The following UNC5B variants were observed in gnomAD, a reference collection of about 807,000 sequenced individuals.
The protein encoded by UNC5B is unc-5 netrin receptor B, also known as netrin receptor UNC5B.
UNC5B carries 56 observed loss-of-function variants against 103.7 expected under a neutral mutation model. The observed-to-expected ratio is 0.54, with a 90% CI of 0.44 to 0.67. UNC5B has a LOEUF of 0.67. UNC5B is among the 30% of genes least tolerant of loss of function. The pLI, the probability that UNC5B is intolerant of heterozygous loss-of-function variation, is 0.00. For missense variants in UNC5B, 1,194 were observed against 1,284.5 expected, an observed-to-expected ratio of 0.93 and a Z score of 1.08; for synonymous variants, 577 against 542.0, an observed-to-expected ratio of 1.06 and a Z score of -0.90.
At chr10:71,246,999 C>T (rs941338111) in intron 1 of UNC5B, among the ~76,000 whole-genome samples, 11 of 152,322 alleles carry the variant, frequency 7.2e-5, no homozygotes, top group East Asian at 1.9e-4. Flanking sequence ...TGTCTGATCA[C>T]GCCCCTGCTA....
chr10:71,244,780 G>T (rs34360037), intron 1 of UNC5B, among the ~76,000 whole-genome samples: 9,584 of 152,302 alleles, frequency 0.063, 337 homozygotes, highest in East Asian at 0.14. Flanking sequence ...CACCCTGTGT[G>T]CATGCATGCA....
chr10:71,246,962 A>C (rs752278802), intron 1 of UNC5B, among the ~76,000 whole-genome samples: 52 of 152,072 alleles, frequency 3.4e-4, no homozygotes, highest in Non-Finnish European at 6.8e-4. Flanking sequence ...GTGTGACCAG[A>C]GCCCCACCCT....
At chr10:71,296,878 ACCAC>A (rs1845445227) in intron 15 of UNC5B, 136 bp downstream of exon 15, 1 of 547,042 alleles carries the variant, frequency 1.8e-6, no homozygotes, top group African/African-American at 2.2e-5. Context: ...CCAGCTGCAC[ACCAC>A]GCTGGCGGAG....
intron 1 of UNC5B, among the ~76,000 whole-genome samples, chr10:71,218,579 G>A (rs1405146460): frequency 6.6e-6 from 1 of 152,238 alleles, no homozygotes; most frequent in Non-Finnish European, 1.5e-5. Flanking sequence ...AGGCCTGCCT[G>A]CAGGTGGGTC....
intron 2 of UNC5B, among the ~76,000 whole-genome samples, chr10:71,282,196 C>T (rs1844947209): frequency 6.6e-6 from 1 of 152,232 alleles, no homozygotes; most frequent in Non-Finnish European, 1.5e-5. Context: ...CCTGATTCCA[C>T]TTCAGCCTCC....
intron 9 of UNC5B, 62 bp downstream of exon 9, chr10:71,291,171 G>T: frequency 6.4e-7 from 1 of 1,554,618 alleles, no homozygotes; most frequent in Non-Finnish European, 8.8e-7. Context: ...GGCTCTGGTG[G>T]TACCCAGACC....
chr10:71,239,679 G>C, intron 1 of UNC5B, among the ~76,000 whole-genome samples: 1 of 152,186 alleles, frequency 6.6e-6, no homozygotes, highest in East Asian at 1.9e-4. Flanking sequence ...CAAGAGCAGG[G>C]CATCCACGGG....
chr10:71,266,729 C>T (rs1423159076), intron 1 of UNC5B, among the ~76,000 whole-genome samples: 1 of 152,200 alleles, frequency 6.6e-6, no homozygotes, highest in Non-Finnish European at 1.5e-5. Context: ...CTGTTTTTTC[C>T]TGAGAATGGA....
intron 1 of UNC5B, among the ~76,000 whole-genome samples, chr10:71,225,858 G>C (rs1452074251): frequency 6.6e-6 from 1 of 152,024 alleles, no homozygotes; most frequent in Non-Finnish European, 1.5e-5. Context: ...CAGACTTGAG[G>C]ACACCCTGCA....
chr10:71,244,637 G>T (rs1203254297), intron 1 of UNC5B, among the ~76,000 whole-genome samples: 1 of 152,216 alleles, frequency 6.6e-6, no homozygotes, highest in Non-Finnish European at 1.5e-5. Context: ...ACGTAGAGAG[G>T]CAAGTCATAA....
chr10:71,227,621 C>CACATACATAT (rs1564706933), intron 1 of UNC5B, among the ~76,000 whole-genome samples: 5 of 136,940 alleles, frequency 3.7e-5, no homozygotes, highest in African/African-American at 1.5e-4. Context: ...CATATATATA[C>CACATACATAT]ATATATACAT....
intron 14 of UNC5B, 64 bp from the exon 15 acceptor site, chr10:71,296,514 C>A: frequency 6.4e-7 from 1 of 1,574,526 alleles, no homozygotes; most frequent in South Asian, 1.1e-5. Flanking sequence ...CCCTGAGCCT[C>A]CATTTCTATG....
chr10:71,283,363 C>G (rs1256844676), intron 2 of UNC5B, among the ~76,000 whole-genome samples: 1 of 152,210 alleles, frequency 6.6e-6, no homozygotes, highest in African/African-American at 2.4e-5. Flanking sequence ...CATAACTTGT[C>G]TAGAGTTTAC....
intron 13 of UNC5B, among the ~76,000 whole-genome samples, chr10:71,294,891 C>T (rs1238487651): frequency 2.6e-5 from 4 of 152,138 alleles, no homozygotes; most frequent in Non-Finnish European, 5.9e-5. Flanking sequence ...AGTTCTCCTC[C>T]CATTCTCAGG....
chr10:71,249,144 T>A (rs963585828), intron 1 of UNC5B, among the ~76,000 whole-genome samples: 6 of 152,196 alleles, frequency 3.9e-5, no homozygotes, highest in African/African-American at 1.4e-4. Flanking sequence ...ACCCCAGGGT[T>A]GAACGCACTC....
rs1845539974 is a variant in UNC5B, at chr10:71,299,629, T to C, written c.*352T>C. On this transcript the variant is annotated 3_prime_UTR_variant, in exon 17 of 17. Coordinates refer to ENST00000335350, the MANE Select transcript of UNC5B (RefSeq NM_170744.5). ...ACCCTCAGCCCGGCAACTTCTGGGT[T>C]CCATGGGTTTTAGTTCCGTTCTCGT... The C allele has an allele frequency of 2.2e-5, 5 of 228,286 alleles. No individual in the cohort carries two copies. In the East Asian group the frequency reaches 4.7e-4, roughly 21 times the overall value. The allele number at this position is 228,286 out of a possible 1,614,324, so 14.1% of individuals were successfully genotyped here. A position where few individuals can be genotyped will look rare whatever the true frequency, so the allele number is the denominator to read the frequency against.
rs553793002 is a variant in UNC5B at position 71,302,414 on chromosome 10, G to T, written c.*3137G>T. The T allele has an allele frequency of 6.6e-6, 1 of 152,258 alleles. No homozygotes were observed. Among genetic ancestry groups the T allele is most frequent in the African/African-American group, 2.4e-5 (1 of 41,392 alleles). 9.4% of individuals were successfully genotyped at this position (152,258 alleles called of 1,614,324 possible). ...CCCAGGTTTGGACGTCTAGGGTTTG[G>T]TGTGCCTGTCTTCTGCCCTCCCTGA... On this transcript the variant is annotated 3_prime_UTR_variant, in exon 17 of 17. Coordinates refer to ENST00000335350, the MANE Select transcript of UNC5B (RefSeq NM_170744.5).
At chr10:71,272,626 A>G (rs536921544) in intron 1 of UNC5B, among the ~76,000 whole-genome samples, 3 of 152,268 alleles carry the variant, frequency 2.0e-5, no homozygotes, top group South Asian at 4.2e-4. Context: ...TGAATCAGCA[A>G]CTGGGCTCTG....
chr10:71,278,768 G>A (rs749679869), intron 1 of UNC5B, among the ~76,000 whole-genome samples: 1 of 152,238 alleles, frequency 6.6e-6, no homozygotes, highest in Non-Finnish European at 1.5e-5. Context: ...GGGGCTGGGC[G>A]GCCATGCGCC....
Sources: gnomAD v4.1 joint callset for allele counts (sites outside exome capture counted in the v4.1 genomes callset) on GRCh38, gnomAD v4.1.1 for gene constraint, MANE v1.5 for transcripts, NCBI Gene and HGNC (gene_info 2026-07-23, HGNC 2026-07-21) for gene names.